SF1: variants seen among roughly 807,000 people sequenced by gnomAD.
SF1 encodes splicing factor 1.
A neutral mutation model predicts 62.5 loss-of-function variants in SF1; 7 were observed. That is an observed-to-expected ratio of 0.11 (90% confidence interval 0.06 to 0.21). The LOEUF (loss-of-function observed/expected upper bound fraction) is 0.21. Among genes scored for constraint, SF1 ranks in the 10% least tolerant of loss-of-function variants. SF1 has a pLI of 1.00. For synonymous variants in SF1, 394 were observed against 323.6 expected, an observed-to-expected ratio of 1.22 and a Z score of -2.33; for missense variants, 578 against 884.0, an observed-to-expected ratio of 0.65 and a Z score of 4.39.
At position 64,770,448 on chromosome 11, in the gene SF1, T is replaced by C. The variant is rs373128311; in HGVS notation, c.237-40A>G. The C allele has an allele frequency of 4.3e-5, 68 of 1,596,558 alleles. No individual in the cohort carries two copies. The South Asian group carries it at 6.4e-4, about 15-fold the overall frequency. On this transcript the variant is annotated intron_variant, in intron 3 of 12. Transcript: ENST00000377390. ...CTCCCGTTTACTATTCTGCACCGAC[T>C]TCTCTCATTCCCACACGGACTATAA...
chr11:64,766,193 G>T, intron 12 of SF1, 38 bp from the exon 13 acceptor site: 2 of 1,564,818 alleles, frequency 1.3e-6, no homozygotes, highest in Non-Finnish European at 1.7e-6. Flanking sequence ...CACGCGCGGG[G>T]GCACACCGCG....
rs2135867730 is a variant in SF1 at position 64,765,549 on chromosome 11, G to A, written c.*269C>T. The A allele has an allele frequency of 6.3e-7, 1 of 1,591,204 alleles. No homozygotes were observed. Among genetic ancestry groups the A allele is most frequent in the African/African-American group, 1.4e-5 (1 of 73,900 alleles). ...GGCCCGGTTTGGGGAGAGGCAAAGG[G>A]AGTTGGGTGAGGAGAGAAAGAAGAC... On this transcript the variant is annotated 3_prime_UTR_variant, in exon 13 of 13. Coordinates refer to ENST00000377390, the MANE Select transcript of SF1 (RefSeq NM_004630.4).
chr11:64,777,911 T>TCGCCGCCGCCGC, intron 1 of SF1: 1 of 955,098 alleles, frequency 1.0e-6, no homozygotes, highest in Non-Finnish European at 1.2e-6. Flanking sequence ...GCAGCCGCCG[T>TCGCCGCCGCCGC]CGCCGCCGCC....
In SF1 at chr11:64,765,955, T is replaced by C. The variant is rs2058625739; in HGVS notation, c.1783A>G (p.Met595Val). 1.4e-6 allele frequency: 2 copies of C among 1,454,096 alleles called. No homozygotes were observed. The highest frequency in any genetic ancestry group is 3.2e-5 in the African/African-American group (2 of 62,566). 90.1% of individuals were successfully genotyped at this position (1,454,096 alleles called of 1,614,324 possible). A position where few individuals can be genotyped will look rare whatever the true frequency, so the allele number is the denominator to read the frequency against. The change falls in exon 13 of 13, where the codon ATG (methionine) becomes GTG (valine). Residue 595 changes from methionine to valine, a missense_variant. This residue lies in a region of SF1 where 410 missense variants were observed against 452.4 expected (regional missense o/e 0.91). Transcript: ENST00000377390. ...GGAGGAGGGGGCGGGGCATACATCA[T>C]GCCGGCGGAACCAGGCGGTGGAGGC... ...PPPPPPGSAG[M>V]MYAPPPPPPP...
intron 1 of SF1, chr11:64,778,021 C>T: frequency 9.9e-7 from 1 of 1,007,160 alleles, no homozygotes; most frequent in Non-Finnish European, 1.2e-6. Flanking sequence ...GCTGCTGGTC[C>T]TTACGCGGCG....
chr11:64,768,419 C>T lies in SF1; in HGVS notation c.888-133G>A, dbSNP rs1188147756. ...CAGATCATCACACATCTTTCTAACCCCTTACTGGGCATGGCTCTCAACAGT... is the reference window on the plus strand; with the variant it reads ...CAGATCATCACACATCTTTCTAACCTCTTACTGGGCATGGCTCTCAACAGT... On this transcript the variant is annotated intron_variant, in intron 8 of 12. Transcript: ENST00000377390. The T allele has an allele frequency of 3.8e-6, 3 of 787,662 alleles. No individual in the cohort carries two copies. In the African/African-American group the frequency reaches 5.3e-5, roughly 14 times the overall value. 48.8% of individuals were successfully genotyped at this position (787,662 alleles called of 1,614,324 possible). A position where few individuals can be genotyped will look rare whatever the true frequency, so the allele number is the denominator to read the frequency against.
intron 6 of SF1, 21 bp from the exon 7 acceptor site, chr11:64,769,359 A>G: frequency 6.2e-7 from 1 of 1,613,848 alleles, no homozygotes; most frequent in Non-Finnish European, 8.5e-7. Context: ...TGCAATGGAC[A>G]GTTAAGTGCT....
chr11:64,768,888 A>C, intron 8 of SF1, 134 bp downstream of exon 8: 1 of 726,410 alleles, frequency 1.4e-6, no homozygotes, highest in Non-Finnish European at 2.5e-6. Flanking sequence ...CTGGGCTTTA[A>C]ATCACACCAT....
intron 1 of SF1, 75 bp from the exon 2 acceptor site, chr11:64,776,701 A>G: frequency 1.4e-6 from 2 of 1,427,224 alleles, no homozygotes. Context: ...TATTTAAGGT[A>G]CTACACAGAA....
At chr11:64,778,165 GGGCGGCGGC>G (rs1206728161) in intron 1 of SF1, 188 bp downstream of exon 1, 14 of 898,724 alleles carry the variant, frequency 1.6e-5, no homozygotes, top group South Asian at 5.2e-5. Context: ...GAGGCGGAGG[GGGCGGCGGC>G]GGAGGCGGCG....
At position 64,765,642 on chromosome 11, in the gene SF1, G is replaced by A. The variant is rs1318063040; in HGVS notation, c.*176C>T. On this transcript the variant is annotated 3_prime_UTR_variant, in exon 13 of 13. Transcript: ENST00000377390. ...CTGGCGCCCCTACTACCACCTGCCC[G>A]TTCCCAAGCGAATCCTCAGTCGCTT... 1.3e-5 allele frequency: 20 copies of A among 1,489,468 alleles called. No individual in the cohort carries two copies. Among genetic ancestry groups the A allele is most frequent in the African/African-American group, 7.0e-5 (5 of 70,990 alleles). The allele number at this position is 1,489,468 out of a possible 1,614,324, so 92.3% of individuals were successfully genotyped here. A position where few individuals can be genotyped will look rare whatever the true frequency, so the allele number is the denominator to read the frequency against.
At chr11:64,776,273 A>T (rs1283397066) in intron 2 of SF1, 1 of 479,852 alleles carries the variant, frequency 2.1e-6, no homozygotes, top group African/African-American at 2.0e-5. Flanking sequence ...GTGAAACCCT[A>T]CCTTCCTGAT....
chr11:64,775,052 A>G (rs1165481872), intron 2 of SF1, among the ~76,000 whole-genome samples: 1 of 152,096 alleles, frequency 6.6e-6, no homozygotes, highest in African/African-American at 2.4e-5. Context: ...ATGGTTCCCC[A>G]AGCTCCTTTA....
At chr11:64,773,149 G>A in intron 3 of SF1, 1 of 1,252,664 alleles carries the variant, frequency 8.0e-7, no homozygotes, top group Non-Finnish European at 1.0e-6. Context: ...TGTCCCCTAA[G>A]GGTGGGTAAA....
rs1488279602 is a variant in SF1 at position 64,765,789 on chromosome 11, T to C, written c.*29A>G. On this transcript the variant is annotated 3_prime_UTR_variant, in exon 13 of 13. Transcript: ENST00000377390. ...TTAAACGAGACCAATTCTCTCTATA[T>C]ATAATATATATTTTCTTAAAAAACA... 6.6e-7 allele frequency: 1 copy of C among 1,519,168 alleles called. No individual in the cohort carries two copies. 94.1% of individuals were successfully genotyped at this position (1,519,168 alleles called of 1,614,324 possible). A position where few individuals can be genotyped will look rare whatever the true frequency, so the allele number is the denominator to read the frequency against.
At position 64,765,794 on chromosome 11, in the gene SF1, T is replaced by C. The variant is rs768768036; in HGVS notation, c.*24A>G. ...CGAGACCAATTCTCTCTATATATAA[T>C]ATATATTTTCTTAAAAAACAAGTCT... On this transcript the variant is annotated 3_prime_UTR_variant, in exon 13 of 13. Transcript: ENST00000377390. 1.2e-5 allele frequency: 18 copies of C among 1,525,288 alleles called. No homozygotes were observed. In the African/African-American group the frequency reaches 1.5e-4, roughly 13 times the overall value. 94.5% of individuals were successfully genotyped at this position (1,525,288 alleles called of 1,614,324 possible).
At chr11:64,770,667 G>A (rs1402493035) in intron 3 of SF1, 6 of 332,696 alleles carry the variant, frequency 1.8e-5, no homozygotes, top group Admixed American at 4.4e-5. Context: ...AGGAAAAAAT[G>A]TCTATTCTTT....
At chr11:64,771,636 C>G (rs113300977) in intron 3 of SF1, 297 of 985,382 alleles carry the variant, frequency 3.0e-4, no homozygotes, top group Non-Finnish European at 3.5e-4. Context: ...CCGTTTCTAG[C>G]ATTTGTATAA....
intron 12 of SF1, 57 bp from the exon 13 acceptor site, chr11:64,766,212 C>A (rs1162059764): frequency 1.4e-5 from 18 of 1,316,804 alleles, no homozygotes; most frequent in Non-Finnish European, 1.7e-5. Flanking sequence ...CGGCTGTCTG[C>A]GGCTGCTGCC....
Sources: gnomAD v4.1 joint callset for allele counts (sites outside exome capture counted in the v4.1 genomes callset) on GRCh38, gnomAD v4.1.1 for gene constraint, gnomAD v4.1.1 regional missense constraint, MANE v1.5 for transcripts, NCBI Gene and HGNC (gene_info 2026-07-23, HGNC 2026-07-21) for gene names.